The following VPS13B variants were observed in gnomAD, a reference collection of about 807,000 sequenced individuals.
The protein encoded by VPS13B is intermembrane lipid transfer protein VPS13B.
A neutral mutation model predicts 426.4 loss-of-function variants in VPS13B; 285 were observed. The ratio of observed to expected loss-of-function variants is 0.67; its 90% CI spans 0.61 to 0.74. The LOEUF (loss-of-function observed/expected upper bound fraction) is 0.74, where lower values mean the gene tolerates loss of function less well. Among genes scored for constraint, VPS13B ranks in the 30% least tolerant of loss-of-function variants. The pLI, the probability that VPS13B is intolerant of heterozygous loss-of-function variation, is 0.00. For synonymous variants in VPS13B, 1,676 were observed against 1,676.4 expected (o/e 1.00, Z 0.01); for missense variants, 4,537 against 4,782.6 (o/e 0.95, Z 1.51).
At chr8:99,793,526 G>T (rs191276208) in intron 43 of VPS13B, among the ~76,000 whole-genome samples, 1 of 152,066 alleles carries the variant, frequency 6.6e-6, no homozygotes, top group Non-Finnish European at 1.5e-5. Flanking sequence ...CTTGATAGAG[G>T]TCTGTTTGGA....
At chr8:99,171,285 C>A (rs1275997770) in intron 16 of VPS13B, among the ~76,000 whole-genome samples, 7 of 151,772 alleles carry the variant, frequency 4.6e-5, no homozygotes, top group Non-Finnish European at 8.8e-5. Context: ...GCATTTGAGT[C>A]AAGTTTTATA....
intron 16 of VPS13B, among the ~76,000 whole-genome samples, chr8:99,188,990 C>A (rs1813388345): frequency 6.6e-6 from 1 of 152,212 alleles, no homozygotes; most frequent in South Asian, 2.1e-4. Context: ...AGCTCCGCCT[C>A]CCGGGTTCAC....
chr8:99,366,786 A>G (rs1426866080), intron 19 of VPS13B, among the ~76,000 whole-genome samples: 1 of 151,960 alleles, frequency 6.6e-6, no homozygotes, highest in Admixed American at 6.6e-5. Context: ...TGTTACTATG[A>G]GGCATGCAAG....
intron 19 of VPS13B, among the ~76,000 whole-genome samples, chr8:99,306,568 T>A (rs1820647401): frequency 6.6e-6 from 1 of 152,088 alleles, no homozygotes; most frequent in Non-Finnish European, 1.5e-5. Context: ...TAGTTCAAAC[T>A]AGGTCTTAAC....
chr8:99,341,617 G>A, intron 19 of VPS13B: 1 of 200,810 alleles, frequency 5.0e-6, no homozygotes, highest in South Asian at 9.7e-5. Flanking sequence ...AATTCATGCT[G>A]TCATCCTTGA....
chr8:99,646,184 G>A (rs1023620867), intron 34 of VPS13B, among the ~76,000 whole-genome samples: 4 of 152,186 alleles, frequency 2.6e-5, no homozygotes, highest in Admixed American at 6.5e-5. Context: ...AACATGTCAT[G>A]TGTTTCCACA....
At chr8:99,167,625 T>A (rs1812086885) in intron 15 of VPS13B, among the ~76,000 whole-genome samples, 1 of 152,120 alleles carries the variant, frequency 6.6e-6, no homozygotes, top group African/African-American at 2.4e-5. Context: ...TCTAAATCCA[T>A]TACAATTTCT....
chr8:99,013,475 G>A (rs2132124157), intron 1 of VPS13B, 128 bp downstream of exon 1: 1 of 393,026 alleles, frequency 2.5e-6, no homozygotes, highest in African/African-American at 2.1e-5. Flanking sequence ...GGTTGGTGAA[G>A]GGCTACTGCG....
chr8:99,029,908 G>A (rs893894429), intron 2 of VPS13B, among the ~76,000 whole-genome samples: 5 of 152,082 alleles, frequency 3.3e-5, no homozygotes, highest in Non-Finnish European at 7.4e-5. Flanking sequence ...AATTCTCTTT[G>A]TGTTTGAATT....
At chr8:99,253,810 GTCT>G (rs1163743821) in intron 17 of VPS13B, among the ~76,000 whole-genome samples, 1 of 151,876 alleles carries the variant, frequency 6.6e-6, no homozygotes, top group Non-Finnish European at 1.5e-5. Flanking sequence ...TTCTTTTTCT[GTCT>G]TCTTGTGGGT....
intron 21 of VPS13B, among the ~76,000 whole-genome samples, chr8:99,428,522 C>G (rs1211493395): frequency 6.6e-6 from 1 of 152,116 alleles, no homozygotes; most frequent in Non-Finnish European, 1.5e-5. Context: ...AGCCAAAAGA[C>G]ACATGAAAAA....
chr8:99,621,635 T>G (rs1419917446), intron 33 of VPS13B, among the ~76,000 whole-genome samples: 3 of 152,136 alleles, frequency 2.0e-5, no homozygotes, highest in Non-Finnish European at 4.4e-5. Flanking sequence ...TATAACAGAA[T>G]CTGACTTATG....
At position 99,332,892 on chromosome 8, in the gene VPS13B, G is replaced by A. The variant is rs533060340; in HGVS notation, c.2825-51316G>A. Reference sequence around the variant, plus strand: ...TTGGCTCACATGTTTTTTTATAGCAGGGTGGTCAAATATAATAGTGTTGCT... The same window carrying A: ...TTGGCTCACATGTTTTTTTATAGCAAGGTGGTCAAATATAATAGTGTTGCT... On this transcript the variant is annotated intron_variant, in intron 19 of 61. Coordinates refer to ENST00000357162, the MANE Select transcript of VPS13B (RefSeq NM_152564.5). Among the ~76,000 whole-genome samples, 44 of 151,524 alleles carry A rather than the reference G, an allele frequency of 2.9e-4. 1 individual carries two copies. The highest frequency in any genetic ancestry group is 5.3e-4 in the Non-Finnish European group (36 of 67,650).
At chr8:99,375,903 A>G (rs1007115633) in intron 19 of VPS13B, among the ~76,000 whole-genome samples, 1 of 152,192 alleles carries the variant, frequency 6.6e-6, no homozygotes, top group Admixed American at 6.5e-5. Context: ...TTTTCCTAAT[A>G]TAACTTGATA....
intron 16 of VPS13B, among the ~76,000 whole-genome samples, chr8:99,177,570 G>A (rs189343019): frequency 2.0e-5 from 3 of 152,184 alleles, no homozygotes; most frequent in African/African-American, 7.2e-5. Flanking sequence ...GCAAGAGAGT[G>A]TTGGTCCAAT....
intron 30 of VPS13B, among the ~76,000 whole-genome samples, chr8:99,554,688 C>G (rs898299062): frequency 6.6e-6 from 1 of 152,126 alleles, no homozygotes; most frequent in Middle Eastern, 3.4e-3. Flanking sequence ...GAAGGGTGAT[C>G]AGGAAAAGCT....
At chr8:99,252,272 A>C (rs930751950) in intron 17 of VPS13B, among the ~76,000 whole-genome samples, 7 of 151,912 alleles carry the variant, frequency 4.6e-5, no homozygotes, top group African/African-American at 1.7e-4. Flanking sequence ...ATCTTCATTC[A>C]ATTTTTTTCT....
chr8:99,254,014 C>T (rs10098138), intron 17 of VPS13B, among the ~76,000 whole-genome samples: 111,430 of 152,050 alleles, frequency 0.73, 41,576 homozygotes, highest in South Asian at 0.86. Flanking sequence ...CTCTTATGTT[C>T]CTTTACCCTT....
chr8:99,367,700 T>G (rs1812966853), intron 19 of VPS13B, among the ~76,000 whole-genome samples: 1 of 152,230 alleles, frequency 6.6e-6, no homozygotes, highest in Admixed American at 6.5e-5. Context: ...TTTTTTCTTT[T>G]GTCTCCTCTG....
Sources: gnomAD v4.1 joint callset for allele counts (sites outside exome capture counted in the v4.1 genomes callset) on GRCh38, gnomAD v4.1.1 for gene constraint, MANE v1.5 for transcripts, NCBI Gene and HGNC (gene_info 2026-07-23, HGNC 2026-07-21) for gene names.